Variants in ITGB1 observed in about 807,000 individuals in gnomAD.
The protein encoded by ITGB1 is integrin beta-1.
Under a neutral mutation model 86.5 loss-of-function variants are expected in ITGB1, and 24 were observed. That is an observed-to-expected ratio of 0.28 (90% confidence interval 0.20 to 0.39). The LOEUF is 0.39. Ranked by LOEUF, ITGB1 falls within the 10% of genes least tolerant of loss-of-function variation. The probability of loss-of-function intolerance (pLI) is 1.00; values close to 1 mark genes in which losing one functional copy is unlikely to be tolerated. For missense variants in ITGB1, 556 were observed against 946.9 expected, an observed-to-expected ratio of 0.59 and a Z score of 5.42; for synonymous variants, 323 against 316.8, an observed-to-expected ratio of 1.02 and a Z score of -0.21.
chr10:32,934,383 G>A (rs1279853051), intron 2 of ITGB1, among the ~76,000 whole-genome samples: 2 of 152,180 alleles, frequency 1.3e-5, no homozygotes, highest in African/African-American at 2.4e-5. Flanking sequence ...AAAGTATACA[G>A]GAGGATATGT....
chr10:32,936,235 G>A (rs909605473), intron 1 of ITGB1: 2 of 152,210 alleles, frequency 1.3e-5, no homozygotes, highest in Non-Finnish European at 2.9e-5. Context: ...AGGAGTTTGA[G>A]ACCAACCCAG....
At chr10:32,914,376 G>C (rs2094924843) in intron 11 of ITGB1, among the ~76,000 whole-genome samples, 1 of 152,138 alleles carries the variant, frequency 6.6e-6, no homozygotes, top group Non-Finnish European at 1.5e-5. Context: ...TGGCAAATTG[G>C]ATAAAGAGTC....
chr10:32,922,609 G>T, intron 8 of ITGB1, 31 bp downstream of exon 8: 1 of 1,332,998 alleles, frequency 7.5e-7, no homozygotes. Flanking sequence ...AAAATGTTTA[G>T]AATCTTGTTC....
At chr10:32,914,291 C>G (rs1251430013) in intron 11 of ITGB1, among the ~76,000 whole-genome samples, 1 of 152,188 alleles carries the variant, frequency 6.6e-6, no homozygotes, top group Non-Finnish European at 1.5e-5. Context: ...ATCATAATGA[C>G]AGGATCAAAT....
chr10:32,935,959 A>G (rs2504001), intron 1 of ITGB1: 75,332 of 157,900 alleles, frequency 0.48, 20,474 homozygotes, highest in Non-Finnish European at 0.61. Flanking sequence ...GGCCCAGACC[A>G]GCATATCCAG....
Position 32,928,180 on chromosome 10 carries a change from GAGT to G in ITGB1, c.458_460del (p.Tyr153del). ...TACATTCTCCAAATCGTCTTTCATTGAGTAAGACAGGTCCATAAGGTAGTAGAG... is the reference window on the plus strand; with the variant it reads ...TACATTCTCCAAATCGTCTTTCATTGAAGACAGGTCCATAAGGTAGTAGAG... On this transcript the variant is annotated inframe_deletion, in exon 5 of 16. Coordinates refer to ENST00000302278, the MANE Select transcript of ITGB1 (RefSeq NM_002211.4). 1 of 1,355,158 alleles carries G rather than the reference GAGT, an allele frequency of 7.4e-7. No individual in the cohort carries two copies. Among genetic ancestry groups the G allele is most frequent in the Non-Finnish European group, 1.1e-6 (1 of 943,302 alleles). The allele number at this position is 1,355,158 out of a possible 1,614,324, so 83.9% of individuals were successfully genotyped here. A position where few individuals can be genotyped will look rare whatever the true frequency, so the allele number is the denominator to read the frequency against.
chr10:32,903,178 C>A (rs190531317), intron 15 of ITGB1, among the ~76,000 whole-genome samples: 87 of 151,456 alleles, frequency 5.7e-4, no homozygotes, highest in Non-Finnish European at 5.2e-4. Context: ...ACGGTAAAAC[C>A]CCGTCTCTAC....
In ITGB1 at chr10:32,919,784, G is replaced by A. The variant is rs1057335969; in HGVS notation, c.1469+101C>T. 31 of 981,886 alleles carry A rather than the reference G, an allele frequency of 3.2e-5. No homozygotes were observed. The East Asian group carries it at 5.2e-4, about 16-fold the overall frequency. The allele number at this position is 981,886 out of a possible 1,614,324, so 60.8% of individuals were successfully genotyped here. ...CAACCGTGGTTGGAAAAAATAATTT[G>A]CTCCAAATAGAGAGATATTCTCTGG... On this transcript the variant is annotated intron_variant, in intron 11 of 15. Coordinates refer to ENST00000302278, the MANE Select transcript of ITGB1 (RefSeq NM_002211.4).
intron 11 of ITGB1, among the ~76,000 whole-genome samples, chr10:32,917,706 G>A (rs1478803597): frequency 6.6e-6 from 1 of 152,208 alleles, no homozygotes; most frequent in Non-Finnish European, 1.5e-5. Context: ...AGGTGCTGGA[G>A]AGGATGTGGA....
At chr10:32,905,357 A>T (rs1189102351) in intron 15 of ITGB1, among the ~76,000 whole-genome samples, 2 of 152,170 alleles carry the variant, frequency 1.3e-5, no homozygotes, top group African/African-American at 4.8e-5. Flanking sequence ...TTGTAAGCAC[A>T]CTCTCAATAG....
chr10:32,905,907 T>G (rs2094894992), intron 15 of ITGB1, among the ~76,000 whole-genome samples: 1 of 152,210 alleles, frequency 6.6e-6, no homozygotes, highest in African/African-American at 2.4e-5. Context: ...GTCAGGAGAA[T>G]TTAGTTCTAA....
In ITGB1 at chr10:32,935,576, CCTTAT is replaced by C. The variant is rs769797038; in HGVS notation, c.1-23_1-19del. The C allele has an allele frequency of 1.5e-5, 23 of 1,552,124 alleles. No individual in the cohort carries two copies. The highest frequency in any genetic ancestry group is 1.8e-5 in the Non-Finnish European group (20 of 1,124,226). ...AAATTCATCTGAAATGTAAAATGTGCCTTATATTAGTTATAAAGAAATAAAATGAA... is the reference window on the plus strand; with the variant it reads ...AAATTCATCTGAAATGTAAAATGTGCATTAGTTATAAAGAAATAAAATGAA... On this transcript the variant is annotated intron_variant, in intron 1 of 15. Transcript: ENST00000302278.
At chr10:32,921,017 C>A (rs952194388) in intron 9 of ITGB1, among the ~76,000 whole-genome samples, 8 of 142,118 alleles carry the variant, frequency 5.6e-5, no homozygotes, top group African/African-American at 2.0e-4. Context: ...AGAAACCCCC[C>A]AAAAAAAAAC....
At chr10:32,925,731 G>A in intron 6 of ITGB1, 140 bp downstream of exon 6, 1 of 655,844 alleles carries the variant, frequency 1.5e-6, no homozygotes, top group Non-Finnish European at 2.7e-6. Flanking sequence ...CAATTTAAGG[G>A]TTTACTTAAA....
chr10:32,918,569 T>A lies in ITGB1; in HGVS notation c.1469+1316A>T, dbSNP rs2488326. Among the ~76,000 whole-genome samples the A allele has an allele frequency of 2.4e-3, 361 of 152,128 alleles. 2 individuals are homozygous for A. Among genetic ancestry groups the A allele is most frequent in the African/African-American group, 8.3e-3 (343 of 41,456 alleles). ...TACATTCCAGCCACTCAAGTTCATATGGAATATATGCAAGAGTCTAGGAAA... is the reference window on the plus strand; with the variant it reads ...TACATTCCAGCCACTCAAGTTCATAAGGAATATATGCAAGAGTCTAGGAAA... On this transcript the variant is annotated intron_variant, in intron 11 of 15. Coordinates refer to ENST00000302278, the MANE Select transcript of ITGB1 (RefSeq NM_002211.4).
At position 32,958,135 on chromosome 10, in the gene ITGB1, CG is replaced by C. The variant is rs1428677767; in HGVS notation, c.-1+9del. On this transcript the variant is annotated intron_variant, in intron 1 of 15. Transcript: ENST00000302278. Reference sequence around the variant, plus strand: ...CCGCGCTCCCACACCCGAGGCCCGCCGGCCCCTACCTTTTCCGCGCGGCGTC... The same window carrying C: ...CCGCGCTCCCACACCCGAGGCCCGCCGCCCCTACCTTTTCCGCGCGGCGTC... The C allele has an allele frequency of 2.0e-5, 3 of 151,140 alleles. No individual in the cohort carries two copies. The highest frequency in any genetic ancestry group is 4.4e-5 in the Non-Finnish European group (3 of 67,656). 9.4% of individuals were successfully genotyped at this position (151,140 alleles called of 1,614,324 possible). A position where few individuals can be genotyped will look rare whatever the true frequency, so the allele number is the denominator to read the frequency against.
intron 1 of ITGB1, among the ~76,000 whole-genome samples, chr10:32,943,741 G>T (rs1227872421): frequency 6.6e-6 from 1 of 152,108 alleles, no homozygotes; most frequent in Non-Finnish European, 1.5e-5. Flanking sequence ...CCTGGGAACA[G>T]AACTGGTGTG....
Position 32,932,460 on chromosome 10 carries a change from A to AGCCACAC in ITGB1, c.153+48_153+54dup. On this transcript the variant is annotated intron_variant, in intron 3 of 15. Coordinates refer to ENST00000302278, the MANE Select transcript of ITGB1 (RefSeq NM_002211.4). ...TGTGCTTCTGAAGGATACAGCACTG[A>AGCCACAC]GCCACACTAAATGACCAGAGAACAA... 3.2e-6 allele frequency: 3 copies of AGCCACAC among 935,144 alleles called. No homozygotes were observed. In the South Asian group the frequency reaches 3.9e-5, roughly 12 times the overall value. 57.9% of individuals were successfully genotyped at this position (935,144 alleles called of 1,614,324 possible).
chr10:32,924,198 C>T (rs1399492825), intron 6 of ITGB1, among the ~76,000 whole-genome samples: 1 of 152,130 alleles, frequency 6.6e-6, no homozygotes, highest in African/African-American at 2.4e-5. Context: ...ATGCCATGCA[C>T]CTTCTTTATC....
Sources: allele counts gnomAD v4.1 joint callset (sites outside exome capture counted in the v4.1 genomes callset), GRCh38; gene constraint gnomAD v4.1.1; transcripts MANE v1.5; gene names NCBI Gene and HGNC (gene_info 2026-07-23, HGNC 2026-07-21).